Variants in PMEPA1 observed in about 807,000 individuals in gnomAD.
PMEPA1 encodes protein TMEPAI.
In PMEPA1, 11 loss-of-function variants were observed where a neutral mutation model predicts 23.0. That is an observed-to-expected ratio of 0.48 (90% CI 0.30 to 0.79). PMEPA1 has a LOEUF of 0.79. Among genes scored for constraint, PMEPA1 ranks in the 30% least tolerant of loss-of-function variants. The probability of loss-of-function intolerance (pLI) is 0.06; values close to 1 mark genes in which losing one functional copy is unlikely to be tolerated. For synonymous variants in PMEPA1, 204 were observed against 166.4 expected (o/e 1.23, Z -1.74); for missense variants, 377 against 390.9 (o/e 0.96, Z 0.30).
intron 1 of PMEPA1, among the ~76,000 whole-genome samples, chr20:57,676,701 G>T (rs1446177528): frequency 6.6e-6 from 1 of 152,196 alleles, no homozygotes; most frequent in Non-Finnish European, 1.5e-5. Flanking sequence ...CGGAGCTGTG[G>T]GAGAGCCACT....
At chr20:57,666,580 G>A (rs755289501) in intron 1 of PMEPA1, among the ~76,000 whole-genome samples, 1 of 152,160 alleles carries the variant, frequency 6.6e-6, no homozygotes, top group Admixed American at 6.5e-5. Flanking sequence ...CAGAAACAGC[G>A]GGAGATTGAG....
intron 1 of PMEPA1, among the ~76,000 whole-genome samples, chr20:57,706,746 G>A (rs1295128263): frequency 6.6e-6 from 1 of 152,182 alleles, no homozygotes; most frequent in Non-Finnish European, 1.5e-5. Context: ...CTGGCCTGGG[G>A]CTGGTGTGGG....
intron 1 of PMEPA1, among the ~76,000 whole-genome samples, chr20:57,684,179 G>A (rs559054867): frequency 2.0e-4 from 31 of 152,072 alleles, no homozygotes; most frequent in Non-Finnish European, 3.4e-4. Flanking sequence ...AGTAAAAACC[G>A]GAGGGCAGAT....
chr20:57,659,826 C>T (rs1366281204), intron 1 of PMEPA1, 129 bp from the exon 2 acceptor site: 15 of 819,230 alleles, frequency 1.8e-5, no homozygotes, highest in Non-Finnish European at 2.9e-5. Flanking sequence ...GGAAAGCCCC[C>T]GCCACTCTCC....
In PMEPA1 at chr20:57,673,270, C is replaced by A. The variant is rs575173973; in HGVS notation, c.110-13573G>T. On this transcript the variant is annotated intron_variant, in intron 1 of 3. Coordinates refer to ENST00000341744, the MANE Select transcript of PMEPA1 (RefSeq NM_020182.5). ...CATTCTCGGTGGCCTGCGTCTACCCCATTTCCAATGGCCCAGCCCCTGCAG... is the reference window on the plus strand; with the variant it reads ...CATTCTCGGTGGCCTGCGTCTACCCAATTTCCAATGGCCCAGCCCCTGCAG... Among the ~76,000 whole-genome samples, 26 of 151,418 alleles carry A rather than the reference C, an allele frequency of 1.7e-4. 1 individual carries two copies. In the East Asian group the frequency reaches 4.9e-3, roughly 29 times the overall value.
chr20:57,678,914 C>G (rs2071674191), intron 1 of PMEPA1, among the ~76,000 whole-genome samples: 1 of 152,180 alleles, frequency 6.6e-6, no homozygotes, highest in African/African-American at 2.4e-5. Context: ...ACTGTACCCC[C>G]AAGAGAAAGC....
intron 1 of PMEPA1, among the ~76,000 whole-genome samples, chr20:57,675,690 G>A (rs2071627526): frequency 1.3e-5 from 2 of 152,238 alleles, no homozygotes; most frequent in African/African-American, 2.4e-5. Context: ...AGATGGGAAG[G>A]GCGACCTCGC....
intron 1 of PMEPA1, among the ~76,000 whole-genome samples, chr20:57,708,968 C>G (rs907352628): frequency 1.3e-5 from 2 of 152,042 alleles, no homozygotes; most frequent in Non-Finnish European, 2.9e-5. Context: ...CACGCAGCCA[C>G]GCACACTCCA....
At chr20:57,688,595 C>T (rs923357926) in intron 1 of PMEPA1, among the ~76,000 whole-genome samples, 4 of 152,202 alleles carry the variant, frequency 2.6e-5, no homozygotes, top group African/African-American at 4.8e-5. Flanking sequence ...ACCCAGTGGT[C>T]GACCTCACTC....
In PMEPA1 at chr20:57,655,403, C is replaced by T. The variant is rs868004789; in HGVS notation, c.265-2317G>A. 6.6e-6 allele frequency among the ~76,000 whole-genome samples: 1 copy of T among 152,232 alleles called. No homozygotes were observed. Among genetic ancestry groups the T allele is most frequent in the Non-Finnish European group, 1.5e-5 (1 of 68,044 alleles). On this transcript the variant is annotated intron_variant, in intron 2 of 3. Transcript: ENST00000341744. The surrounding 1 kb of genome is among the most constrained non-coding windows in gnomAD (Gnocchi z 4.2). ...CGGTGGCCTATTCAGGGGTCTCACT[C>T]GCCCTGCAGGAGCTGCTACCGTTTC...
At position 57,682,933 on chromosome 20, in the gene PMEPA1, C is replaced by T. The variant is rs1165696976; in HGVS notation, c.110-23236G>A. 4.6e-5 allele frequency among the ~76,000 whole-genome samples: 7 copies of T among 152,232 alleles called. No homozygotes were observed. Among genetic ancestry groups the T allele is most frequent in the Non-Finnish European group, 7.3e-5 (5 of 68,040 alleles). ...GCAGCAGCTCGCCTCCTAAATAAGG[C>T]AGCACACCAAGACGGTCTTGAAACT... is the stretch of plus-strand genomic sequence containing the variant. On this transcript the variant is annotated intron_variant, in intron 1 of 3. Coordinates refer to ENST00000341744, the MANE Select transcript of PMEPA1 (RefSeq NM_020182.5). This position sits in a 1 kb window ranked among gnomAD's most constrained non-coding sequence, Gnocchi z 4.4.
intron 1 of PMEPA1, among the ~76,000 whole-genome samples, chr20:57,673,894 C>T (rs2071601893): frequency 6.6e-6 from 1 of 152,290 alleles, no homozygotes; most frequent in African/African-American, 2.4e-5. Flanking sequence ...GCTTGTTTTC[C>T]CACCTTCAGA....
chr20:57,652,504 G>A lies in PMEPA1; in HGVS notation c.413C>T (p.Pro138Leu). Reference sequence around the variant, plus strand: ...CAGGTCGATCTCGTGCTGCAGGTACGGATAGGTGGGCTGGAAGCGGTGGAA... The same window carrying A: ...CAGGTCGATCTCGTGCTGCAGGTACAGATAGGTGGGCTGGAAGCGGTGGAA... Reference protein sequence around the residue: ...ERFHRFQPTYPYLQHEIDLPP... With the variant: ...ERFHRFQPTYLYLQHEIDLPP... The change falls in exon 4 of 4, where the codon CCG (proline) becomes CTG (leucine). Residue 138 changes from proline to leucine, a missense_variant. Physicochemically the swap from Pro to Leu is moderately conservative, Grantham distance 98. Coordinates refer to ENST00000341744, the MANE Select transcript of PMEPA1 (RefSeq NM_020182.5). This position sits in a 1 kb window ranked among gnomAD's most constrained non-coding sequence, Gnocchi z 6.1. 1 of 1,591,774 alleles carries A rather than the reference G, an allele frequency of 6.3e-7. No homozygotes were observed. Among genetic ancestry groups the A allele is most frequent in the Non-Finnish European group, 8.6e-7 (1 of 1,167,134 alleles).
At chr20:57,710,678 C>T (rs2072168618), upstream of PMEPA1, 5 of 517,426 alleles carry the variant, frequency 9.7e-6, no homozygotes, top group Non-Finnish European at 1.7e-5. Flanking sequence ...GGGGCGAATC[C>T]ACACCCATTG....
intron 1 of PMEPA1, among the ~76,000 whole-genome samples, chr20:57,703,780 G>A (rs181622579): frequency 5.2e-4 from 79 of 152,238 alleles, no homozygotes; most frequent in Admixed American, 2.6e-3. Flanking sequence ...CAGAGTGACC[G>A]CTAGGGAACC....
intron 1 of PMEPA1, among the ~76,000 whole-genome samples, chr20:57,701,944 A>C (rs2146712158): frequency 6.6e-6 from 1 of 152,188 alleles, no homozygotes. Context: ...TAATGACACA[A>C]AGATTCGATT....
At chr20:57,659,800 G>A in intron 1 of PMEPA1, 103 bp from the exon 2 acceptor site, 1 of 1,080,198 alleles carries the variant, frequency 9.3e-7, no homozygotes, top group East Asian at 2.6e-5. Context: ...GGGGACGAGA[G>A]TGCAACCCAG....
rs2071727111 is a variant in PMEPA1, at chr20:57,682,197, T to G, written c.110-22500A>C. On this transcript the variant is annotated intron_variant, in intron 1 of 3. Transcript: ENST00000341744. This position sits in a 1 kb window ranked among gnomAD's most constrained non-coding sequence, Gnocchi z 4.4. Reference sequence around the variant, plus strand: ...TCTGTCCTCCTTCCTTAGGTCACTATTACACACAGACAGACACAGCTACCT... The same window carrying G: ...TCTGTCCTCCTTCCTTAGGTCACTAGTACACACAGACAGACACAGCTACCT... Among the ~76,000 whole-genome samples, 1 of 152,164 alleles carries G rather than the reference T, an allele frequency of 6.6e-6. No homozygotes were observed. Among genetic ancestry groups the G allele is most frequent in the South Asian group, 2.1e-4 (1 of 4,820 alleles).
chr20:57,663,801 C>A (rs2071455753), intron 1 of PMEPA1, among the ~76,000 whole-genome samples: 1 of 152,192 alleles, frequency 6.6e-6, no homozygotes, highest in South Asian at 2.1e-4. Context: ...GGTGCTCCAG[C>A]CAGCAGCCGG....
Sources: allele counts gnomAD v4.1 joint callset (sites outside exome capture counted in the v4.1 genomes callset), GRCh38; gene constraint gnomAD v4.1.1; non-coding constraint Gnocchi (gnomAD v3.1); transcripts MANE v1.5; gene names NCBI Gene and HGNC (gene_info 2026-07-23, HGNC 2026-07-21).